LPIN2: variants seen among roughly 807,000 people sequenced by gnomAD.
The protein encoded by LPIN2 is phosphatidate phosphatase LPIN2.
A neutral mutation model predicts 111.4 loss-of-function variants in LPIN2; 55 were observed. The ratio of observed to expected loss-of-function variants is 0.49; its 90% CI spans 0.40 to 0.62. The LOEUF is 0.62. LPIN2 is among the 20% of genes least tolerant of loss of function. The probability of loss-of-function intolerance (pLI) is 0.00; values close to 1 mark genes in which losing one functional copy is unlikely to be tolerated. For missense variants in LPIN2, 992 were observed against 1,112.1 expected (o/e 0.89, Z 1.54); for synonymous variants, 425 against 414.0 (o/e 1.03, Z -0.32).
intron 1 of LPIN2, among the ~76,000 whole-genome samples, chr18:2,975,810 A>G (rs1455725162): frequency 3.3e-5 from 5 of 152,222 alleles, no homozygotes; most frequent in African/African-American, 1.2e-4. Context: ...TTAATTCCAC[A>G]TACAAAAGGC....
At chr18:2,926,517 A>G (rs1396144745) in intron 13 of LPIN2, among the ~76,000 whole-genome samples, 1 of 151,684 alleles carries the variant, frequency 6.6e-6, no homozygotes, top group Non-Finnish European at 1.5e-5. Flanking sequence ...CGGCTCCACA[A>G]GGAGGCAGGG....
intron 1 of LPIN2, among the ~76,000 whole-genome samples, chr18:2,993,283 T>C (rs1300349873): frequency 1.3e-5 from 2 of 152,184 alleles, no homozygotes; most frequent in African/African-American, 4.8e-5. Flanking sequence ...AAAACTCTAA[T>C]TGAAATGTAA....
At chr18:2,994,681 T>C (rs1192480706) in intron 1 of LPIN2, among the ~76,000 whole-genome samples, 1 of 152,150 alleles carries the variant, frequency 6.6e-6, no homozygotes, top group African/African-American at 2.4e-5. Flanking sequence ...GATAATTCTT[T>C]GCTTGGGAGG....
intron 1 of LPIN2, among the ~76,000 whole-genome samples, chr18:2,980,557 G>C (rs1173334649): frequency 6.6e-6 from 1 of 152,156 alleles, no homozygotes. Flanking sequence ...TGCCACCTCT[G>C]ACCACTGTTT....
intron 1 of LPIN2, among the ~76,000 whole-genome samples, chr18:2,995,096 G>A (rs1274499282): frequency 6.6e-6 from 1 of 152,144 alleles, no homozygotes; most frequent in African/African-American, 2.4e-5. Flanking sequence ...CTGCTGTGAG[G>A]ATCCCATGAG....
At position 2,931,396 on chromosome 18, in the gene LPIN2, G is replaced by C; in HGVS notation, c.1316C>G (p.Ser439Cys). ...SRQWPESDTLSGSQSPQSVGS... is the reference protein window; with the variant it reads ...SRQWPESDTLCGSQSPQSVGS... The stretch of plus-strand genomic sequence containing the variant: ...CACGGACTGTGGGGACTGGGAGCCA[G>C]AGAGTGTGTCAGACTCGGGCCACTG... The change falls in exon 9 of 20, where the codon TCT becomes TGT. Residue 439 changes from serine (S) to cysteine (C), a missense_variant. Ser to Cys is a moderately radical substitution (Grantham distance 112). Around this residue, in one of 4 missense-constraint regions of LPIN2, gnomAD observed 709 missense variants for 753.2 expected, o/e 0.94. Transcript: ENST00000677752. 1 of 1,609,926 alleles carries C rather than the reference G, an allele frequency of 6.2e-7. No individual in the cohort carries two copies. Among genetic ancestry groups the C allele is most frequent in the Non-Finnish European group, 8.5e-7 (1 of 1,178,012 alleles).
At chr18:2,955,239 G>A (rs2077591623) in intron 2 of LPIN2, among the ~76,000 whole-genome samples, 1 of 152,190 alleles carries the variant, frequency 6.6e-6, no homozygotes, top group Admixed American at 6.5e-5. Context: ...AAGAAAAGAG[G>A]TTTAACTGGC....
intron 1 of LPIN2, among the ~76,000 whole-genome samples, chr18:3,012,863 C>T (rs1441996367): frequency 1.3e-5 from 2 of 151,700 alleles, no homozygotes; most frequent in Non-Finnish European, 2.9e-5. Flanking sequence ...GCGGTAGGGG[C>T]CGCGTCTACG....
At chr18:3,009,946 AT>A (rs141845226) in intron 1 of LPIN2, among the ~76,000 whole-genome samples, 2,744 of 151,862 alleles carry the variant, frequency 0.018, 44 homozygotes, top group Non-Finnish European at 0.027. Context: ...CTCCCAACAG[AT>A]TTTTTTTTCT....
chr18:2,924,960 C>G (rs922329389), intron 14 of LPIN2, among the ~76,000 whole-genome samples: 1 of 152,184 alleles, frequency 6.6e-6, no homozygotes, highest in African/African-American at 2.4e-5. Context: ...TGGCTCAGCG[C>G]TGGGTTAGCT....
At position 2,960,173 on chromosome 18, in the gene LPIN2, A is replaced by AAT. The variant is rs1289757609; in HGVS notation, c.192+474_192+475dup. ...CAGCAAAGCGAGACTCCGACTCAAA[A>AAT]ATGTGTGTGTGTGTGTGTGTGTGTG... On this transcript the variant is annotated intron_variant, in intron 2 of 19. Transcript: ENST00000677752. Among the ~76,000 whole-genome samples, 740 of 76,512 alleles carry AAT rather than the reference A, an allele frequency of 9.7e-3. 8 individuals are homozygous for AAT. The highest frequency in any genetic ancestry group is 0.036 in the African/African-American group (697 of 19,440). 50.2% of individuals were successfully genotyped at this position (76,512 alleles called of 152,430 possible). A position where few individuals can be genotyped will look rare whatever the true frequency, so the allele number is the denominator to read the frequency against.
At chr18:2,999,803 A>G (rs1232005982) in intron 1 of LPIN2, among the ~76,000 whole-genome samples, 1 of 152,202 alleles carries the variant, frequency 6.6e-6, no homozygotes, top group Non-Finnish European at 1.5e-5. Flanking sequence ...GCTCTTGGAA[A>G]TTAACACACA....
At chr18:2,983,895 C>T (rs940843842) in intron 1 of LPIN2, among the ~76,000 whole-genome samples, 3 of 151,812 alleles carry the variant, frequency 2.0e-5, no homozygotes, top group Admixed American at 6.6e-5. Flanking sequence ...TCTAAGGCCC[C>T]GAGACAATCT....
At chr18:3,005,223 G>A (rs2078493817) in intron 1 of LPIN2, among the ~76,000 whole-genome samples, 1 of 152,058 alleles carries the variant, frequency 6.6e-6, no homozygotes, top group South Asian at 2.1e-4. Flanking sequence ...GGTGGCAGGT[G>A]CCTGTAATCC....
intron 4 of LPIN2, chr18:2,946,664 A>G: frequency 1.6e-6 from 1 of 638,408 alleles, no homozygotes; most frequent in South Asian, 1.9e-5. Flanking sequence ...AATCAATTGA[A>G]TGCCAAAATA....
At chr18:2,956,311 GGTGTGTGTGTGT>G (rs55844718) in intron 2 of LPIN2, among the ~76,000 whole-genome samples, 30 of 144,010 alleles carry the variant, frequency 2.1e-4, no homozygotes, top group East Asian at 1.2e-3. Context: ...TAGATGCAGG[GGTGTGTGTGTGT>G]GTGTGTGTGT....
rs2077113892 is a variant in LPIN2 at position 2,925,284 on chromosome 18, G to A, written c.1878C>T (p.Pro626=). 6.2e-7 allele frequency: 1 copy of A among 1,614,074 alleles called. No homozygotes were observed. The highest frequency in any genetic ancestry group is 1.7e-5 in the Admixed American group (1 of 60,000). The part of the protein sequence containing the change: ...SITVDPIPTE[P]LSHGSTTSYK... ...ATGAAGTTGTGCTGCCGTGGCTCAG[G>A]GGCTCTGTGGGGATGGGGTCCACTG... The change falls in exon 14 of 20, where the codon CCC becomes CCT. Residue 626 remains proline, a synonymous_variant. Transcript: ENST00000677752. This position sits in a 1 kb window ranked among gnomAD's most constrained non-coding sequence, Gnocchi z 4.1.
intron 1 of LPIN2, among the ~76,000 whole-genome samples, chr18:2,977,790 ATAAT>A: frequency 6.6e-6 from 1 of 152,366 alleles, no homozygotes; most frequent in Admixed American, 6.5e-5. Context: ...CAGATGAATT[ATAAT>A]TAATGAAGAA....
intron 1 of LPIN2, among the ~76,000 whole-genome samples, chr18:2,999,535 C>T (rs2078398229): frequency 6.6e-6 from 1 of 150,620 alleles, no homozygotes; most frequent in South Asian, 2.1e-4. Flanking sequence ...GCCCGGGAGG[C>T]GGAGCTTGCA....
Sources: gnomAD v4.1 joint callset for allele counts (sites outside exome capture counted in the v4.1 genomes callset) on GRCh38, gnomAD v4.1.1 for gene constraint, gnomAD v4.1.1 regional missense constraint, Gnocchi (gnomAD v3.1) non-coding constraint, MANE v1.5 for transcripts, NCBI Gene and HGNC (gene_info 2026-07-23, HGNC 2026-07-21) for gene names.